Variants in DPP10 observed in about 807,000 individuals in gnomAD.
DPP10 encodes the protein inactive dipeptidyl peptidase 10.
Under a neutral mutation model 120.9 loss-of-function variants are expected in DPP10, and 33 were observed. That is an observed-to-expected ratio of 0.27 (90% CI 0.21 to 0.37). The LOEUF is 0.37. Among genes scored for constraint, DPP10 ranks in the 10% least tolerant of loss-of-function variants. The pLI is 1.00. For synonymous variants in DPP10, 337 were observed against 326.1 expected (o/e 1.03, Z -0.36); for missense variants, 816 against 942.8 (o/e 0.87, Z 1.76).
intron 5 of DPP10, among the ~76,000 whole-genome samples, chr2:115,663,532 C>A (rs2089185620): frequency 6.6e-6 from 1 of 152,166 alleles, no homozygotes; most frequent in Non-Finnish European, 1.5e-5. Flanking sequence ...CATAGGCGAA[C>A]TGCTTAGCAA....
At chr2:114,527,249 A>G (rs1243112834) in intron 1 of DPP10, among the ~76,000 whole-genome samples, 1 of 152,162 alleles carries the variant, frequency 6.6e-6, no homozygotes, top group Admixed American at 6.5e-5. Context: ...CTTTTCAACC[A>G]GGTATTGTTT....
intron 2 of DPP10, among the ~76,000 whole-genome samples, chr2:115,336,065 AAC>A (rs2063110538): frequency 6.6e-6 from 1 of 152,150 alleles, no homozygotes. Flanking sequence ...AGATAAAACT[AAC>A]ACAATTATTT....
intron 1 of DPP10, among the ~76,000 whole-genome samples, chr2:114,699,408 C>T (rs892417596): frequency 2.0e-5 from 3 of 152,110 alleles, no homozygotes; most frequent in Non-Finnish European, 4.4e-5. Context: ...AAGAGACTTT[C>T]ACTTGAACGA....
chr2:115,550,584 T>A (rs1318057758), intron 5 of DPP10, among the ~76,000 whole-genome samples: 1 of 152,172 alleles, frequency 6.6e-6, no homozygotes, highest in East Asian at 1.9e-4. Flanking sequence ...TTCTTAGTTT[T>A]TGCATGAAAT....
At chr2:114,804,076 C>T (rs936596659) in intron 1 of DPP10, among the ~76,000 whole-genome samples, 1 of 152,194 alleles carries the variant, frequency 6.6e-6, no homozygotes, top group African/African-American at 2.4e-5. Flanking sequence ...CTGCTCCAGC[C>T]ATTGCTGAAA....
At chr2:114,641,607 G>A (rs1695711776) in intron 1 of DPP10, among the ~76,000 whole-genome samples, 1 of 151,866 alleles carries the variant, frequency 6.6e-6, no homozygotes, top group Non-Finnish European at 1.5e-5. Flanking sequence ...TGATTTATAA[G>A]GATTCTTGGC....
At chr2:114,729,085 A>G (rs1033295247) in intron 1 of DPP10, among the ~76,000 whole-genome samples, 1 of 152,250 alleles carries the variant, frequency 6.6e-6, no homozygotes, top group Non-Finnish European at 1.5e-5. Flanking sequence ...GGCTTTGTAT[A>G]GAAATGTGCT....
intron 1 of DPP10, among the ~76,000 whole-genome samples, chr2:114,477,861 GTATATATGTA>G (rs1558794691): frequency 1.0e-5 from 1 of 100,248 alleles, no homozygotes; most frequent in African/African-American, 2.8e-5. Flanking sequence ...ATAAATATAT[GTATATATGTA>G]CATATATGTG....
At chr2:115,163,460 T>C (rs2052592709) in intron 1 of DPP10, among the ~76,000 whole-genome samples, 1 of 152,246 alleles carries the variant, frequency 6.6e-6, no homozygotes, top group Admixed American at 6.5e-5. Flanking sequence ...TTACAAAGCA[T>C]TTGTTTTCTT....
intron 3 of DPP10, among the ~76,000 whole-genome samples, chr2:115,385,351 CTTT>C (rs563049219): frequency 1.4e-5 from 2 of 142,888 alleles, no homozygotes; most frequent in Non-Finnish European, 1.5e-5. Flanking sequence ...TTCTGTCTTT[CTTT>C]TTTTTTTTTT....
rs2104787281 is a variant in DPP10, at chr2:115,131,013, T to G, written c.61-178226T>G. The G allele has an allele frequency of 1.3e-5, 2 of 152,346 alleles. 1 individual carries two copies. The highest frequency in any genetic ancestry group is 4.1e-4 in the South Asian group (2 of 4,828). The allele number at this position is 152,346 out of a possible 1,614,324, so 9.4% of individuals were successfully genotyped here. A position where few individuals can be genotyped will look rare whatever the true frequency, so the allele number is the denominator to read the frequency against. On this transcript the variant is annotated intron_variant, in intron 1 of 25. Transcript: ENST00000410059. ...TTCTTCCTAATCAATTTTTCTTACT[T>G]CTTACACCATGAAAAAGCTTCCCTT...
At chr2:115,722,381 A>G (rs542371247) in intron 7 of DPP10, among the ~76,000 whole-genome samples, 2 of 151,876 alleles carry the variant, frequency 1.3e-5, no homozygotes, top group East Asian at 3.9e-4. Context: ...ATCCTTCCAT[A>G]GTCTCTTCAT....
chr2:115,603,214 C>A lies in DPP10; in HGVS notation c.441+77242C>A, dbSNP rs1296012185. On this transcript the variant is annotated intron_variant, in intron 5 of 25. Transcript: ENST00000410059. ...ATGTGTTCTTTGGAGAAAAAAAGGTCTATGTTTGAGTCAAAAATTCCATCA... is the reference window on the plus strand; with the variant it reads ...ATGTGTTCTTTGGAGAAAAAAAGGTATATGTTTGAGTCAAAAATTCCATCA... 2.0e-5 allele frequency among the ~76,000 whole-genome samples: 3 copies of A among 150,544 alleles called. No individual in the cohort carries two copies. In the East Asian group the frequency reaches 5.9e-4, roughly 30 times the overall value.
intron 1 of DPP10, among the ~76,000 whole-genome samples, chr2:114,800,298 C>T (rs374151193): frequency 6.6e-6 from 1 of 151,990 alleles, no homozygotes; most frequent in East Asian, 1.9e-4. Flanking sequence ...CAGTTAGGAA[C>T]GATATGAGGA....
At chr2:115,462,394 A>T (rs1462986192) in intron 3 of DPP10, among the ~76,000 whole-genome samples, 1 of 152,156 alleles carries the variant, frequency 6.6e-6, no homozygotes. Context: ...CAAGGTGATC[A>T]CTACAGTGTC....
At chr2:114,859,967 T>G (rs921611038) in intron 1 of DPP10, among the ~76,000 whole-genome samples, 4 of 152,244 alleles carry the variant, frequency 2.6e-5, no homozygotes, top group African/African-American at 9.6e-5. Context: ...GGGCTCAAGC[T>G]TATGCATTTC....
At chr2:114,765,296 C>T (rs902426031) in intron 1 of DPP10, among the ~76,000 whole-genome samples, 1 of 152,072 alleles carries the variant, frequency 6.6e-6, no homozygotes, top group African/African-American at 2.4e-5. Context: ...GTTAAACATA[C>T]CATAGATTCA....
intron 4 of DPP10, among the ~76,000 whole-genome samples, chr2:115,511,793 T>C (rs1349553825): frequency 4.8e-5 from 7 of 145,154 alleles, no homozygotes; most frequent in Admixed American, 4.3e-4. Flanking sequence ...AGTGGTACAA[T>C]CATATCTCAC....
chr2:114,543,496 C>T (rs1161895838), intron 1 of DPP10, among the ~76,000 whole-genome samples: 1 of 152,232 alleles, frequency 6.6e-6, no homozygotes, highest in Admixed American at 6.5e-5. Flanking sequence ...CTTCTCCTTT[C>T]CTGCGAATGC....
Sources: gnomAD v4.1 joint callset for allele counts (sites outside exome capture counted in the v4.1 genomes callset) on GRCh38, gnomAD v4.1.1 for gene constraint, MANE v1.5 for transcripts, NCBI Gene and HGNC (gene_info 2026-07-23, HGNC 2026-07-21) for gene names.